The following CPOX variants were observed in gnomAD, a reference collection of about 807,000 sequenced individuals.
The protein encoded by CPOX is coproporphyrinogen oxidase.
In CPOX, 24 loss-of-function variants were observed where a neutral mutation model predicts 48.9. That is an observed-to-expected ratio of 0.49 (90% CI 0.36 to 0.69). The LOEUF is 0.69. Ranked by LOEUF, CPOX falls within the 30% of genes least tolerant of loss-of-function variation. The pLI is 0.00. For missense variants in CPOX, 549 were observed against 597.3 expected, an observed-to-expected ratio of 0.92 and a Z score of 0.84; for synonymous variants, 249 against 234.6, an observed-to-expected ratio of 1.06 and a Z score of -0.56.
In CPOX at chr3:98,592,987, C is replaced by T; in HGVS notation, c.518G>A (p.Gly173Asp). 2 of 1,613,742 alleles carry T rather than the reference C, an allele frequency of 1.2e-6. No individual in the cohort carries two copies. Among genetic ancestry groups the T allele is most frequent in the Non-Finnish European group, 1.7e-6 (2 of 1,179,904 alleles). The change falls in exon 1 of 7, where the codon GGC becomes GAC. Residue 173 changes from glycine to aspartate, a missense_variant. By Grantham distance (94) the Gly-to-Asp change is moderately conservative. This residue lies in a region of CPOX where 336 missense variants were observed against 318.1 expected (regional missense o/e 1.06). Transcript: ENST00000647941. The stretch of plus-strand genomic sequence containing the variant: ...CCACCGGTCCACAGAAAAGTTGGCG[C>T]CCCCGTCTACCTGTGCCAGAGCCTG... Reference protein sequence around the residue: ...VCQALAQVDGGANFSVDRWER... With the variant: ...VCQALAQVDGDANFSVDRWER...
At position 98,580,044 on chromosome 3, in the gene CPOX, G is replaced by C; in HGVS notation, c.*639C>G. On this transcript the variant is annotated 3_prime_UTR_variant, in exon 7 of 7. Coordinates refer to ENST00000647941, the MANE Select transcript of CPOX (RefSeq NM_000097.7). ...CAACTTAGACATCTCTAAAATAATA[G>C]TAATGTCACTTTAGAGTTTACAAAC... 1.0e-6 allele frequency: 1 copy of C among 982,588 alleles called. No homozygotes were observed. Among genetic ancestry groups the C allele is most frequent in the South Asian group, 4.7e-5 (1 of 21,222 alleles). 60.9% of individuals were successfully genotyped at this position (982,588 alleles called of 1,614,324 possible). A position where few individuals can be genotyped will look rare whatever the true frequency, so the allele number is the denominator to read the frequency against.
At position 98,593,078 on chromosome 3, in the gene CPOX, T is replaced by G. The variant is rs1707511517; in HGVS notation, c.427A>C (p.Arg143=). Residue 143 remains arginine (R), a synonymous_variant, in exon 1 of 7, where the codon AGG becomes CGG. Transcript: ENST00000647941. ...PPVTDLGELR[R]RPGDMKTKME... is the part of the protein sequence containing the mutation. ...TTGGTCTTCATGTCGCCCGGCCTCC[T>G]TCGCAGCTCGCCCAGGTCGGTCACA... 6.2e-7 allele frequency: 1 copy of G among 1,613,908 alleles called. No homozygotes were observed. The highest frequency in any genetic ancestry group is 8.5e-7 in the Non-Finnish European group (1 of 1,179,952).
At chr3:98,578,641 C>G (rs1707195931), downstream of CPOX, among the ~76,000 whole-genome samples, 1 of 152,158 alleles carries the variant, frequency 6.6e-6, no homozygotes, top group African/African-American at 2.4e-5. Flanking sequence ...GATCTGCTTT[C>G]TGTCATTAAA....
At chr3:98,592,329 C>T (rs1237934346) in intron 1 of CPOX, among the ~76,000 whole-genome samples, 2 of 152,102 alleles carry the variant, frequency 1.3e-5, no homozygotes, top group African/African-American at 2.4e-5. Context: ...CATGAATGTA[C>T]GCCTCTACGA....
At chr3:98,591,199 G>A in intron 1 of CPOX, 44 bp from the exon 2 acceptor site, 1 of 1,610,108 alleles carries the variant, frequency 6.2e-7, no homozygotes, top group Non-Finnish European at 8.5e-7. Flanking sequence ...AAGAGTATGT[G>A]CAAAACTGAA....
chr3:98,593,304 C>T lies in CPOX; in HGVS notation c.201G>A (p.Thr67=). The change falls in exon 1 of 7, where the codon ACG becomes ACA. Residue 67 remains threonine (T), a synonymous_variant. Transcript: ENST00000647941. ...TCCCCACCCAGGGGCCGCCTCTCGACGTCGAGCCGTGCCCCAGCCCGCGGC... is the reference window on the plus strand; with the variant it reads ...TCCCCACCCAGGGGCCGCCTCTCGATGTCGAGCCGTGCCCCAGCCCGCGGC... The part of the protein sequence containing the change: ...EQSRGLGHGS[T]SRGGPWVGTG... The T allele has an allele frequency of 6.9e-7, 1 of 1,439,828 alleles. No homozygotes were observed. Among genetic ancestry groups the T allele is most frequent in the South Asian group, 1.5e-5 (1 of 67,388 alleles). The allele number at this position is 1,439,828 out of a possible 1,614,324, so 89.2% of individuals were successfully genotyped here. A position where few individuals can be genotyped will look rare whatever the true frequency, so the allele number is the denominator to read the frequency against.
At chr3:98,581,648 T>C in intron 5 of CPOX, 137 bp from the exon 6 acceptor site, 1 of 673,710 alleles carries the variant, frequency 1.5e-6, no homozygotes, top group Non-Finnish European at 2.7e-6. Flanking sequence ...GACACCAGCC[T>C]ACAGCCCATT....
At chr3:98,586,546 T>A (rs1311892646) in intron 4 of CPOX, among the ~76,000 whole-genome samples, 1 of 152,184 alleles carries the variant, frequency 6.6e-6, no homozygotes, top group Non-Finnish European at 1.5e-5. Flanking sequence ...ATTTCATATG[T>A]CATATCAGAC....
intron 4 of CPOX, chr3:98,585,879 C>CT (rs1183334760): frequency 0.072 from 24,868 of 345,892 alleles, 18 homozygotes; most frequent in South Asian, 0.12. Context: ...CTTTTCTTTT[C>CT]TTTTTTTTTT....
chr3:98,578,159 T>C (rs1320445249), downstream of CPOX: 22 of 683,744 alleles, frequency 3.2e-5, no homozygotes, highest in African/African-American at 1.4e-4. Context: ...CAGTAAGAAA[T>C]TGAAAGAGAA....
intron 5 of CPOX, among the ~76,000 whole-genome samples, chr3:98,582,263 C>A (rs917540849): frequency 2.6e-5 from 4 of 152,060 alleles, no homozygotes; most frequent in African/African-American, 7.2e-5. Context: ...GTAAACGGGT[C>A]TCCCTCTCCC....
chr3:98,574,854 G>C (rs111244280), downstream of CPOX, among the ~76,000 whole-genome samples: 53,791 of 152,046 alleles, frequency 0.35, 9,678 homozygotes, highest in African/African-American at 0.41. Context: ...GCTGGGATTA[G>C]AGGCATGAAC....
intron 5 of CPOX, among the ~76,000 whole-genome samples, chr3:98,583,643 T>G (rs1373011354): frequency 6.6e-6 from 1 of 152,212 alleles, no homozygotes; most frequent in African/African-American, 2.4e-5. Flanking sequence ...TGGGGGAGGA[T>G]AGCAGTAACT....
the CPOX span, among the ~76,000 whole-genome samples, chr3:98,572,967 T>G: frequency 6.6e-5 from 10 of 152,212 alleles, no homozygotes; most frequent in African/African-American, 2.4e-4. Context: ...ATTGTAGACA[T>G]AATAAAATTA....
At position 98,593,276 on chromosome 3, in the gene CPOX, C is replaced by T. The variant is rs1707520320; in HGVS notation, c.229G>A (p.Gly77Arg). The T allele has an allele frequency of 1.4e-6, 2 of 1,476,572 alleles. No individual in the cohort carries two copies. Among genetic ancestry groups the T allele is most frequent in the Non-Finnish European group, 8.9e-7 (1 of 1,121,904 alleles). 91.5% of individuals were successfully genotyped at this position (1,476,572 alleles called of 1,614,324 possible). ...AACCCCGCCAGCGCCGCGGCCAGCC[C>T]TGTCCCCACCCAGGGGCCGCCTCTC... ...TSRGGPWVGT[G>R]LAAALAGLVG... The change falls in exon 1 of 7, where the codon GGG (glycine) becomes AGG (arginine). Residue 77 changes from glycine (G) to arginine (R), a missense_variant. Gly to Arg is a moderately radical substitution (Grantham distance 125, BLOSUM62 -2). Transcript: ENST00000647941.
chr3:98,580,799 AC>A (rs757068228), intron 6 of CPOX, 29 bp from the exon 7 acceptor site: 26 of 1,613,548 alleles, frequency 1.6e-5, no homozygotes, highest in African/African-American at 5.3e-5. Flanking sequence ...AAAGCAAAAA[AC>A]GTCATAAAAA....
At chr3:98,584,372 A>T (rs1707317665) in intron 5 of CPOX, among the ~76,000 whole-genome samples, 1 of 152,188 alleles carries the variant, frequency 6.6e-6, no homozygotes. Flanking sequence ...TTAAGAAATT[A>T]TGGAAGCAAA....
intron 4 of CPOX, among the ~76,000 whole-genome samples, chr3:98,586,932 A>G (rs1707375405): frequency 6.6e-6 from 1 of 152,002 alleles, no homozygotes; most frequent in Admixed American, 6.6e-5. Context: ...CGACAGAGTG[A>G]GACTCCATCT....
At chr3:98,589,058 G>A (rs1194607167) in intron 3 of CPOX, among the ~76,000 whole-genome samples, 1 of 152,212 alleles carries the variant, frequency 6.6e-6, no homozygotes, top group Non-Finnish European at 1.5e-5. Context: ...GGTGGCTCAT[G>A]CCTGTAATCC....
Sources: allele counts gnomAD v4.1 joint callset (sites outside exome capture counted in the v4.1 genomes callset), GRCh38; gene constraint gnomAD v4.1.1; regional missense constraint gnomAD v4.1.1; transcripts MANE v1.5; gene names NCBI Gene and HGNC (gene_info 2026-07-23, HGNC 2026-07-21).